The following CTNND2 variants were observed in gnomAD, a reference collection of about 807,000 sequenced individuals.
CTNND2 encodes catenin delta 2, also known as catenin delta-2.
CTNND2 carries 22 observed loss-of-function variants against 144.4 expected under a neutral mutation model. The ratio of observed to expected loss-of-function variants is 0.15; its 90% CI spans 0.11 to 0.22. The LOEUF (loss-of-function observed/expected upper bound fraction) is 0.22, where lower values mean the gene tolerates loss of function less well. Ranked by LOEUF, CTNND2 falls within the 10% of genes least tolerant of loss-of-function variation. The pLI, the probability that CTNND2 is intolerant of heterozygous loss-of-function variation, is 1.00. For missense variants in CTNND2, 1,353 were observed against 1,618.8 expected (o/e 0.84, Z 2.82); for synonymous variants, 751 against 695.6 (o/e 1.08, Z -1.25).
chr5:11,674,531 C>T (rs1390197609), intron 2 of CTNND2, among the ~76,000 whole-genome samples: 1 of 152,100 alleles, frequency 6.6e-6, no homozygotes, highest in Admixed American at 6.6e-5. Flanking sequence ...ACATAATCAC[C>T]AAAGTTCATA....
chr5:11,194,342 G>C (rs1736641059), intron 11 of CTNND2, among the ~76,000 whole-genome samples: 1 of 152,172 alleles, frequency 6.6e-6, no homozygotes, highest in Admixed American at 6.5e-5. Flanking sequence ...CACCTAGGTT[G>C]AAAGAATACC....
chr5:11,574,487 G>A (rs535748546), intron 2 of CTNND2, among the ~76,000 whole-genome samples: 1 of 151,974 alleles, frequency 6.6e-6, no homozygotes, highest in Non-Finnish European at 1.5e-5. Flanking sequence ...TATATAATCA[G>A]GAACAATACA....
intron 9 of CTNND2, among the ~76,000 whole-genome samples, chr5:11,261,841 G>C (rs1046796095): frequency 6.6e-6 from 1 of 152,196 alleles, no homozygotes; most frequent in Non-Finnish European, 1.5e-5. Context: ...CTTCCTGAAA[G>C]TCAACTTGAA....
chr5:11,072,056 TG>T (rs1178753298), intron 16 of CTNND2, among the ~76,000 whole-genome samples: 6 of 152,176 alleles, frequency 3.9e-5, no homozygotes, highest in African/African-American at 1.2e-4. Context: ...CCATAGACAC[TG>T]GGGGTATTAG....
chr5:11,562,109 G>T (rs16901748), intron 3 of CTNND2, among the ~76,000 whole-genome samples: 15,925 of 151,930 alleles, frequency 0.1, 1,065 homozygotes, highest in East Asian at 0.23. Flanking sequence ...CACCATTAAA[G>T]TCAGAGTAAA....
intron 7 of CTNND2, among the ~76,000 whole-genome samples, chr5:11,383,224 T>C (rs887804362): frequency 1.3e-5 from 2 of 152,240 alleles, no homozygotes; most frequent in African/African-American, 4.8e-5. Context: ...CTGGACTCCC[T>C]GCGCCTCAGT....
intron 1 of CTNND2, among the ~76,000 whole-genome samples, chr5:11,849,556 G>A (rs1241190357): frequency 6.6e-6 from 1 of 152,194 alleles, no homozygotes; most frequent in Non-Finnish European, 1.5e-5. Flanking sequence ...GGCTGTCAGT[G>A]ATATGCCCAG....
Position 11,082,370 on chromosome 5 carries a change from T to C in CTNND2, c.2788+326A>G, listed in dbSNP as rs138710700. On this transcript the variant is annotated intron_variant, in intron 16 of 21. Coordinates refer to ENST00000304623, the MANE Select transcript of CTNND2 (RefSeq NM_001332.4). ...GGGAAGAAAAGTAATCCTATCAGAA[T>C]TCCTCAGTTCACTGCATGGGAAACA... Among the ~76,000 whole-genome samples, 101 of 152,358 alleles carry C rather than the reference T, an allele frequency of 6.6e-4. 1 individual carries two copies. The East Asian group carries it at 0.017, about 26-fold the overall frequency.
intron 10 of CTNND2, among the ~76,000 whole-genome samples, chr5:11,203,606 C>A (rs1448077833): frequency 6.6e-6 from 1 of 152,140 alleles, no homozygotes; most frequent in African/African-American, 2.4e-5. Context: ...AACTCCTAGG[C>A]TCAAGCGATT....
chr5:11,567,174 T>C (rs1335169255), intron 2 of CTNND2, among the ~76,000 whole-genome samples: 1 of 152,064 alleles, frequency 6.6e-6, no homozygotes, highest in East Asian at 1.9e-4. Context: ...TTTTTTTTAA[T>C]TGAGATGGAG....
At position 11,497,511 on chromosome 5, in the gene CTNND2, CG is replaced by C. The variant is rs940620634; in HGVS notation, c.287+67432del. ...CATCCATGAGGCAAAGAATGATGTGCGGGGGGGTGGGGGGGGGCAATATGTG... is the reference window on the plus strand; with the variant it reads ...CATCCATGAGGCAAAGAATGATGTGCGGGGGGTGGGGGGGGGCAATATGTG... On this transcript the variant is annotated intron_variant, in intron 3 of 21. Coordinates refer to ENST00000304623, the MANE Select transcript of CTNND2 (RefSeq NM_001332.4). Among the ~76,000 whole-genome samples, 29 of 6,224 alleles carry C rather than the reference CG, an allele frequency of 4.7e-3. 2 individuals are homozygous for C. Among genetic ancestry groups the C allele is most frequent in the Non-Finnish European group, 7.9e-3 (24 of 3,046 alleles). The allele number at this position is 6,224 out of a possible 152,430, so 4.1% of individuals were successfully genotyped here.
intron 3 of CTNND2, among the ~76,000 whole-genome samples, chr5:11,452,581 T>G (rs1279297561): frequency 1.3e-5 from 2 of 152,174 alleles, no homozygotes; most frequent in Admixed American, 6.5e-5. Flanking sequence ...AATGTTTGAT[T>G]TATAATTTTT....
At chr5:11,629,678 T>C (rs1447024905) in intron 2 of CTNND2, among the ~76,000 whole-genome samples, 1 of 152,182 alleles carries the variant, frequency 6.6e-6, no homozygotes, top group Non-Finnish European at 1.5e-5. Context: ...TATTTTATTT[T>C]ATGTTTTTTA....
chr5:11,460,480 T>A (rs1460299086), intron 3 of CTNND2, among the ~76,000 whole-genome samples: 1 of 152,192 alleles, frequency 6.6e-6, no homozygotes, highest in Non-Finnish European at 1.5e-5. Context: ...TGTTTAGATA[T>A]GAGAACCAAA....
At chr5:11,094,744 G>A (rs1200963465) in intron 15 of CTNND2, among the ~76,000 whole-genome samples, 2 of 152,144 alleles carry the variant, frequency 1.3e-5, no homozygotes, top group Non-Finnish European at 1.5e-5. Flanking sequence ...GATTACAGGC[G>A]TGAGCCACAA....
chr5:11,449,717 C>G (rs1324901072), intron 3 of CTNND2, among the ~76,000 whole-genome samples: 1 of 152,144 alleles, frequency 6.6e-6, no homozygotes, highest in African/African-American at 2.4e-5. Context: ...TCCCTTATTT[C>G]TATATGAAAT....
chr5:11,858,839 G>A (rs1795370049), intron 1 of CTNND2, among the ~76,000 whole-genome samples: 1 of 152,190 alleles, frequency 6.6e-6, no homozygotes, highest in Non-Finnish European at 1.5e-5. Flanking sequence ...TGAGGCAGGA[G>A]AATGGCGTGA....
chr5:11,674,716 T>TTTGTTTGGTTGGTTGG (rs368963579), intron 2 of CTNND2, among the ~76,000 whole-genome samples: 9,238 of 150,882 alleles, frequency 0.061, 959 homozygotes, highest in African/African-American at 0.21. Context: ...TGTTTGTTTG[T>TTTGTTTGGTTGGTTGG]TTGGTTGGTT....
chr5:11,034,681 T>C (rs529236574), intron 16 of CTNND2, among the ~76,000 whole-genome samples: 7 of 152,334 alleles, frequency 4.6e-5, no homozygotes, highest in Non-Finnish European at 7.3e-5. Flanking sequence ...GCCTTCTCTA[T>C]GTCTGTGAGG....
Sources: gnomAD v4.1 joint callset for allele counts (sites outside exome capture counted in the v4.1 genomes callset) on GRCh38, gnomAD v4.1.1 for gene constraint, MANE v1.5 for transcripts, NCBI Gene and HGNC (gene_info 2026-07-23, HGNC 2026-07-21) for gene names.